Variants in PRH1 observed in about 807,000 individuals in gnomAD.
The protein encoded by PRH1 is proline rich protein HaeIII subfamily 1.
In PRH1, 7 loss-of-function variants were observed where a neutral mutation model predicts 7.9. That is an observed-to-expected ratio of 0.89 (90% CI 0.50 to 1.67). PRH1 has a LOEUF of 1.67. PRH1 is among the 40% of genes most tolerant of loss of function. The pLI, the probability that PRH1 is intolerant of heterozygous loss-of-function variation, is 0.00. For synonymous variants in PRH1, 45 were observed against 80.8 expected (o/e 0.56, Z 2.38); for missense variants, 109 against 223.6 (o/e 0.49, Z 3.27).
At chr12:10,970,258 C>G (rs927172193) in intron 2 of PRH1, among the ~76,000 whole-genome samples, 10 of 152,142 alleles carry the variant, frequency 6.6e-5, no homozygotes, top group African/African-American at 2.4e-4. Flanking sequence ...ATATTTTTTC[C>G]AACATATATG....
At chr12:11,081,171 T>C (rs1283747780) in intron 1 of PRH1, among the ~76,000 whole-genome samples, 1 of 137,898 alleles carries the variant, frequency 7.3e-6, no homozygotes, top group African/African-American at 2.6e-5. Flanking sequence ...TCTAGCTTTG[T>C]ATATTTCCAT....
chr12:11,161,175 G>C (rs1009393917), intron 1 of PRH1, among the ~76,000 whole-genome samples: 1 of 117,776 alleles, frequency 8.5e-6, no homozygotes, highest in African/African-American at 2.8e-5. Flanking sequence ...AATCTTGGAA[G>C]CTATGTGTTA....
chr12:11,043,537 A>C (rs746814241), intron 1 of PRH1, among the ~76,000 whole-genome samples: 5 of 152,214 alleles, frequency 3.3e-5, no homozygotes, highest in Non-Finnish European at 5.9e-5. Context: ...TCTTATATTT[A>C]TAAAACCTGA....
At chr12:10,989,153 C>T (rs2418302) in intron 1 of PRH1, among the ~76,000 whole-genome samples, 44,038 of 152,080 alleles carry the variant, frequency 0.29, 8,264 homozygotes, top group East Asian at 0.74. Context: ...ACCCTAAACT[C>T]TATGATACGG....
At chr12:11,047,008 G>A (rs778382789) in intron 1 of PRH1, 9 of 503,016 alleles carry the variant, frequency 1.8e-5, no homozygotes, top group South Asian at 1.3e-4. Flanking sequence ...ACGTCTAAGT[G>A]CTTTGACTCA....
intron 1 of PRH1, among the ~76,000 whole-genome samples, chr12:11,126,288 G>A (rs1198246298): frequency 2.0e-5 from 3 of 152,034 alleles, no homozygotes; most frequent in Non-Finnish European, 4.4e-5. Flanking sequence ...TTAGAATTTC[G>A]ACAACAATGT....
At chr12:11,027,170 T>G (rs1941959438) in intron 1 of PRH1, among the ~76,000 whole-genome samples, 1 of 150,766 alleles carries the variant, frequency 6.6e-6, no homozygotes, top group African/African-American at 2.5e-5. Flanking sequence ...AATGCAGAGG[T>G]GGGGGAATCA....
In PRH1 at chr12:11,062,368, C is replaced by T. The variant is rs939243261; in HGVS notation, n.124-15180G>A. 22 of 1,435,620 alleles carry T rather than the reference C, an allele frequency of 1.5e-5. No individual in the cohort carries two copies. In the African/African-American group the frequency reaches 2.9e-4, roughly 19 times the overall value. 88.9% of individuals were successfully genotyped at this position (1,435,620 alleles called of 1,614,324 possible). ...GGTTGTGATTGCTTGAATATCCTGACCTTAAATTCTATATGCACCTGATTT... is the reference window on the plus strand; with the variant it reads ...GGTTGTGATTGCTTGAATATCCTGATCTTAAATTCTATATGCACCTGATTT... On this transcript the variant is annotated intron_variant and non_coding_transcript_variant, in intron 1 of 4. Transcript: ENST00000541977.
intron 1 of PRH1, among the ~76,000 whole-genome samples, chr12:11,011,479 C>CTA (rs1252268932): frequency 3.9e-5 from 6 of 152,064 alleles, no homozygotes; most frequent in African/African-American, 1.4e-4. Flanking sequence ...TTCTCATTTG[C>CTA]TAGCATGCAA....
At chr12:11,029,676 T>C (rs150406663) in intron 1 of PRH1, among the ~76,000 whole-genome samples, 4 of 152,328 alleles carry the variant, frequency 2.6e-5, no homozygotes, top group African/African-American at 9.6e-5. Flanking sequence ...ATGATCATGA[T>C]ATTTCATCCC....
At chr12:10,974,541 A>C (rs1245600167) in intron 1 of PRH1, among the ~76,000 whole-genome samples, 1 of 152,184 alleles carries the variant, frequency 6.6e-6, no homozygotes, top group African/African-American at 2.4e-5. Flanking sequence ...TGGCACCCCC[A>C]AAATCTACCA....
At chr12:11,002,501 C>G (rs932994824) in intron 1 of PRH1, among the ~76,000 whole-genome samples, 22 of 152,148 alleles carry the variant, frequency 1.4e-4, no homozygotes, top group African/African-American at 4.1e-4. Flanking sequence ...AAAGAGTATT[C>G]TCCTTTGGGC....
upstream of PRH1, chr12:11,048,877 T>A (rs919528708): frequency 3.3e-5 from 9 of 276,850 alleles, no homozygotes; most frequent in Non-Finnish European, 5.1e-5. Flanking sequence ...CAAACCAACA[T>A]TCTTAATCCT....
Position 11,090,053 on chromosome 12 carries a change from A to C in PRH1, n.124-42865T>G, listed in dbSNP as rs569785790. On this transcript the variant is annotated intron_variant and non_coding_transcript_variant, in intron 1 of 4. Transcript: ENST00000541977. Reference sequence around the variant, plus strand: ...CCACATCAGCTTACCCATTTTAGCCACCCATTTATTTGTTCATTAAAGTAT... The same window carrying C: ...CCACATCAGCTTACCCATTTTAGCCCCCCATTTATTTGTTCATTAAAGTAT... Among the ~76,000 whole-genome samples, 29 of 116,196 alleles carry C rather than the reference A, an allele frequency of 2.5e-4. 8 individuals carry two copies. The highest frequency in any genetic ancestry group is 3.9e-3 in the Middle Eastern group (1 of 258). 76.2% of individuals were successfully genotyped at this position (116,196 alleles called of 152,430 possible). A position where few individuals can be genotyped will look rare whatever the true frequency, so the allele number is the denominator to read the frequency against.
chr12:11,072,801 C>G (rs78399734), intron 1 of PRH1, among the ~76,000 whole-genome samples: 1 of 116,026 alleles, frequency 8.6e-6, no homozygotes, highest in African/African-American at 3.1e-5. Flanking sequence ...TTTTCACCCA[C>G]GGGTGGGTCG....
At chr12:11,137,062 CT>C (rs1245587268) in intron 1 of PRH1, among the ~76,000 whole-genome samples, 1 of 152,084 alleles carries the variant, frequency 6.6e-6, no homozygotes, top group Non-Finnish European at 1.5e-5. Context: ...ATGTGAGTAG[CT>C]TTTTTTGGAT....
chr12:10,929,193 T>C, intron 2 of PRH1: 2 of 1,601,022 alleles, frequency 1.2e-6, no homozygotes, highest in Non-Finnish European at 1.7e-6. Context: ...AAATGCGCCA[T>C]TGTCCTGCTT....
At chr12:11,150,094 G>T (rs1429499244) in intron 1 of PRH1, among the ~76,000 whole-genome samples, 2 of 150,750 alleles carry the variant, frequency 1.3e-5, no homozygotes, top group African/African-American at 4.9e-5. Flanking sequence ...GGCCATCAGA[G>T]AAATGCAAAT....
At chr12:11,119,071 TA>T, downstream of PRH1, among the ~76,000 whole-genome samples, 1 of 150,490 alleles carries the variant, frequency 6.6e-6, no homozygotes, top group Middle Eastern at 3.5e-3. Flanking sequence ...TTCAGCCATT[TA>T]AAAAATGAGA....
Sources: allele counts gnomAD v4.1 joint callset (sites outside exome capture counted in the v4.1 genomes callset), GRCh38; gene constraint gnomAD v4.1.1; transcripts MANE v1.5; gene names NCBI Gene and HGNC (gene_info 2026-07-23, HGNC 2026-07-21).